EVC: variants seen among roughly 807,000 people sequenced by gnomAD.
EVC encodes the protein evC complex member EVC.
EVC carries 116 observed loss-of-function variants against 118.9 expected under a neutral mutation model. The observed-to-expected ratio is 0.98, with a 90% CI of 0.84 to 1.14. EVC has a LOEUF of 1.14. Ranked by LOEUF, EVC falls within the 50% of genes most tolerant of loss-of-function variation. The probability of loss-of-function intolerance (pLI) is 0.00; values close to 1 mark genes in which losing one functional copy is unlikely to be tolerated. For synonymous variants in EVC, 619 were observed against 534.7 expected (o/e 1.16, Z -2.18); for missense variants, 1,401 against 1,246.4 (o/e 1.12, Z -1.87).
At chr4:5,793,493 A>G in intron 12 of EVC, 115 bp from the exon 13 acceptor site, 1 of 868,970 alleles carries the variant, frequency 1.2e-6, no homozygotes, top group Non-Finnish European at 1.9e-6. Flanking sequence ...TCGGGGCAGA[A>G]AGGGATTTAA....
intron 19 of EVC, among the ~76,000 whole-genome samples, chr4:5,809,921 G>A (rs1022361457): frequency 6.6e-6 from 1 of 152,182 alleles, no homozygotes; most frequent in Non-Finnish European, 1.5e-5. Context: ...GACAACTTCA[G>A]TGACATCACA....
intron 2 of EVC, among the ~76,000 whole-genome samples, chr4:5,727,318 G>A (rs1165561225): frequency 6.6e-6 from 1 of 152,150 alleles, no homozygotes; most frequent in Non-Finnish European, 1.5e-5. Context: ...TTCTCTGATG[G>A]CCAGTGATGA....
chr4:5,825,956 A>C, the EVC span: 2 of 439,874 alleles, frequency 4.5e-6, no homozygotes, highest in African/African-American at 2.1e-5. This position sits in a 1 kb window ranked among gnomAD's most constrained non-coding sequence, Gnocchi z 4.4. Flanking sequence ...ACATATATGC[A>C]TGCACATGCA....
rs777071486 is a variant in EVC, at chr4:5,811,019, GAGA to G, written c.2967_2969del (p.Arg989del). The G allele has an allele frequency of 4.0e-5, 64 of 1,612,292 alleles. No homozygotes were observed. The African/African-American group carries it at 6.9e-4, about 17-fold the overall frequency. On this transcript the variant is annotated inframe_deletion, in exon 21 of 21. Transcript: ENST00000264956. ...GTGGGAACTCAAAGAAGATGCTAAA[GAGA>G]AGAAGCAACTTGTAGTTTAAGACCA...
Position 5,749,383 on chromosome 4 carries a change from G to T in EVC, c.1098+1077G>T, listed in dbSNP as rs894161249. Among the ~76,000 whole-genome samples, 1 of 149,120 alleles carries T rather than the reference G, an allele frequency of 6.7e-6. No homozygotes were observed. The highest frequency in any genetic ancestry group is 2.5e-5 in the African/African-American group (1 of 40,316). On this transcript the variant is annotated intron_variant, in intron 8 of 20. Coordinates refer to ENST00000264956, the MANE Select transcript of EVC (RefSeq NM_153717.3). The surrounding 1 kb of genome is among the most constrained non-coding windows in gnomAD (Gnocchi z 4.4). ...AAAGGTCCCTCCTTATTTTTGTGAA[G>T]CCTGCCAACCACAGATAAGCAAAAA...
At chr4:5,768,644 G>A (rs530075155) in intron 11 of EVC, among the ~76,000 whole-genome samples, 1 of 152,014 alleles carries the variant, frequency 6.6e-6, no homozygotes, top group South Asian at 2.1e-4. Context: ...ATCACTTGAG[G>A]TCAAGAGTTC....
At chr4:5,758,095 A>G (rs1266791402) in intron 11 of EVC, 1 of 702,478 alleles carries the variant, frequency 1.4e-6, no homozygotes, top group East Asian at 2.7e-5. Flanking sequence ...CCATGAGAAG[A>G]CATAGAGACA....
intron 12 of EVC, among the ~76,000 whole-genome samples, chr4:5,784,441 C>T (rs191420178): frequency 2.9e-4 from 44 of 152,226 alleles, no homozygotes; most frequent in Non-Finnish European, 6.0e-4. Flanking sequence ...CCCCTATAGC[C>T]TCTAGAAAAG....
At position 5,723,191 on chromosome 4, in the gene EVC, CT is replaced by C. The variant is rs542977317; in HGVS notation, c.300+3834del. Among the ~76,000 whole-genome samples, 907 of 140,648 alleles carry C rather than the reference CT, an allele frequency of 6.4e-3. 10 individuals are homozygous for C. The highest frequency in any genetic ancestry group is 0.014 in the African/African-American group (527 of 37,648). The allele number at this position is 140,648 out of a possible 152,430, so 92.3% of individuals were successfully genotyped here. A position where few individuals can be genotyped will look rare whatever the true frequency, so the allele number is the denominator to read the frequency against. ...GACCCAGCACCAACATCCTTTCCTT[CT>C]TTTTTTTTTTTTTTTGAGATGAAGT... On this transcript the variant is annotated intron_variant, in intron 2 of 20. Coordinates refer to ENST00000264956, the MANE Select transcript of EVC (RefSeq NM_153717.3).
At chr4:5,752,474 A>G (rs1730529508) in intron 8 of EVC, among the ~76,000 whole-genome samples, 1 of 152,096 alleles carries the variant, frequency 6.6e-6, no homozygotes, top group South Asian at 2.1e-4. Context: ...TGTGGGGGCC[A>G]CAGGGCCAGA....
At chr4:5,808,348 C>G (rs1411638680) in intron 18 of EVC, 21 bp downstream of exon 18, 14 of 1,614,038 alleles carry the variant, frequency 8.7e-6, no homozygotes, top group African/African-American at 1.3e-5. Context: ...CAGAACTGGA[C>G]CTTCCAAAAG....
the EVC span, chr4:5,821,901 C>A: frequency 1.7e-5 from 23 of 1,383,338 alleles, no homozygotes; most frequent in Non-Finnish European, 2.2e-5. The surrounding 1 kb of genome is among the most constrained non-coding windows in gnomAD (Gnocchi z 4.4). Flanking sequence ...AGCATCAGTT[C>A]CACGCTGCTC....
At chr4:5,722,141 C>G (rs1049340102) in intron 2 of EVC, among the ~76,000 whole-genome samples, 14 of 152,178 alleles carry the variant, frequency 9.2e-5, no homozygotes, top group African/African-American at 3.1e-4. Context: ...TCAAGTTTCT[C>G]ATTTTAAATG....
chr4:5,774,464 T>C (rs1734432174), intron 11 of EVC, among the ~76,000 whole-genome samples: 1 of 151,928 alleles, frequency 6.6e-6, no homozygotes, highest in Non-Finnish European at 1.5e-5. Flanking sequence ...CTAATCCTCA[T>C]AATCAGCCCT....
intron 11 of EVC, among the ~76,000 whole-genome samples, chr4:5,772,238 T>G (rs1014999257): frequency 6.6e-6 from 1 of 152,118 alleles, no homozygotes; most frequent in African/African-American, 2.4e-5. Context: ...GGGGTAAATG[T>G]GTTTTCTTTG....
At chr4:5,820,569 A>G in the EVC span, among the ~76,000 whole-genome samples, 4 of 152,202 alleles carry the variant, frequency 2.6e-5, no homozygotes, top group Non-Finnish European at 4.4e-5. Flanking sequence ...CCCGCCCATC[A>G]GCCGTCTTCC....
intron 12 of EVC, among the ~76,000 whole-genome samples, chr4:5,786,709 TA>T (rs1711688151): frequency 6.6e-6 from 1 of 151,932 alleles, no homozygotes; most frequent in African/African-American, 2.4e-5. Context: ...CCGTCTCTAC[TA>T]AAAATACAAA....
intron 1 of EVC, among the ~76,000 whole-genome samples, chr4:5,711,967 G>T (rs1040807594): frequency 6.6e-6 from 1 of 152,148 alleles, no homozygotes; most frequent in African/African-American, 2.4e-5. Flanking sequence ...ACGTCGCCTG[G>T]CCTGAGTCCC....
chr4:5,767,773 C>T (rs930694434), intron 11 of EVC, among the ~76,000 whole-genome samples: 1 of 152,176 alleles, frequency 6.6e-6, no homozygotes, highest in African/African-American at 2.4e-5. Context: ...ACATGGTGCG[C>T]TGCACCCACT....
Sources: allele counts gnomAD v4.1 joint callset (sites outside exome capture counted in the v4.1 genomes callset), GRCh38; gene constraint gnomAD v4.1.1; non-coding constraint Gnocchi (gnomAD v3.1); transcripts MANE v1.5; gene names NCBI Gene and HGNC (gene_info 2026-07-23, HGNC 2026-07-21).